The following FLT1 variants were observed in gnomAD, a reference collection of about 807,000 sequenced individuals.
FLT1 encodes the protein vascular endothelial growth factor receptor 1.
A neutral mutation model predicts 156.3 loss-of-function variants in FLT1; 49 were observed. That is an observed-to-expected ratio of 0.31 (90% CI 0.25 to 0.40). FLT1 has a LOEUF of 0.40. FLT1 is among the 10% of genes least tolerant of loss of function. The pLI, the probability that FLT1 is intolerant of heterozygous loss-of-function variation, is 1.00. For missense variants in FLT1, 1,322 were observed against 1,637.2 expected (o/e 0.81, Z 3.32); for synonymous variants, 594 against 583.8 (o/e 1.02, Z -0.25).
At chr13:28,459,835 C>T (rs1879465214) in intron 3 of FLT1, among the ~76,000 whole-genome samples, 1 of 152,208 alleles carries the variant, frequency 6.6e-6, no homozygotes, top group South Asian at 2.1e-4. Flanking sequence ...TCTGTTCAGC[C>T]ATGTGCTGCT....
chr13:28,349,453 CACACACAT>C (rs746423133), intron 15 of FLT1, among the ~76,000 whole-genome samples: 424 of 150,048 alleles, frequency 2.8e-3, no homozygotes, highest in Non-Finnish European at 3.9e-3. Flanking sequence ...CACACACACA[CACACACAT>C]GCGCACACGC....
At chr13:28,470,404 G>A (rs780290650) in intron 1 of FLT1, among the ~76,000 whole-genome samples, 1 of 152,078 alleles carries the variant, frequency 6.6e-6, no homozygotes, top group Non-Finnish European at 1.5e-5. Context: ...ATTTAATTGA[G>A]CAATTGTTCA....
At chr13:28,387,807 T>TAAA in intron 13 of FLT1, 1 of 696,596 alleles carries the variant, frequency 1.4e-6, no homozygotes, top group Non-Finnish European at 1.6e-6. Flanking sequence ...AAAAGTTTCT[T>TAAA]TAAAAAAAAA....
At chr13:28,444,119 A>T (rs1878478414) in intron 3 of FLT1, among the ~76,000 whole-genome samples, 1 of 152,232 alleles carries the variant, frequency 6.6e-6, no homozygotes, top group Admixed American at 6.5e-5. Flanking sequence ...CAACAATAAC[A>T]GGTGAAGATT....
intron 29 of FLT1, 99 bp downstream of exon 29, chr13:28,306,579 C>A: frequency 3.5e-6 from 3 of 865,242 alleles, no homozygotes; most frequent in Admixed American, 1.9e-5. Context: ...TTCAGGAGGG[C>A]AAGTAGTCCT....
intron 1 of FLT1, among the ~76,000 whole-genome samples, chr13:28,472,829 T>C (rs1185150193): frequency 6.6e-6 from 1 of 152,188 alleles, no homozygotes; most frequent in Non-Finnish European, 1.5e-5. Context: ...CAGCTAAAAA[T>C]TCTGATCCTG....
chr13:28,365,531 T>C (rs540830254), intron 14 of FLT1, among the ~76,000 whole-genome samples: 47 of 152,228 alleles, frequency 3.1e-4, no homozygotes, highest in Middle Eastern at 6.8e-3. Flanking sequence ...TTTGTATTTT[T>C]AGTAGAGATG....
rs892143941 is a variant in FLT1 at position 28,429,086 on chromosome 13, T to C, written c.1106+964A>G. 2.0e-5 allele frequency among the ~76,000 whole-genome samples: 3 copies of C among 152,304 alleles called. No individual in the cohort carries two copies. The East Asian group carries it at 5.8e-4, about 29-fold the overall frequency. On this transcript the variant is annotated intron_variant, in intron 8 of 29. Transcript: ENST00000282397. ...GTACCTCCTGGAGTCATCAGATTAC[T>C]ATTCAATTTACTATTAAACCTAAAA...
At chr13:28,329,515 C>T (rs1336991956) in intron 19 of FLT1, 100 bp downstream of exon 19, 3 of 850,058 alleles carry the variant, frequency 3.5e-6, no homozygotes, top group African/African-American at 1.6e-5. Flanking sequence ...TTCCTGGAGG[C>T]GAGGAAGCAC....
Position 28,465,716 on chromosome 13 carries a change from G to A in FLT1, c.388+1187C>T, listed in dbSNP as rs559010455. On this transcript the variant is annotated intron_variant, in intron 3 of 29. Transcript: ENST00000282397. ...AAATTAGCCAGGAGTGGTGGCAGAC[G>A]CCTGTAATCCTAGCTACGCAGGAGG... 2.0e-5 allele frequency among the ~76,000 whole-genome samples: 3 copies of A among 152,198 alleles called. No individual in the cohort carries two copies. The East Asian group carries it at 5.8e-4, about 29-fold the overall frequency.
intron 16 of FLT1, among the ~76,000 whole-genome samples, chr13:28,340,234 T>C (rs936628388): frequency 1.3e-5 from 2 of 151,266 alleles, no homozygotes; most frequent in Non-Finnish European, 2.9e-5. Context: ...AAAAAAAGAT[T>C]ATTTCAAAGG....
chr13:28,473,927 T>C (rs991675812), intron 1 of FLT1, among the ~76,000 whole-genome samples: 4 of 152,160 alleles, frequency 2.6e-5, no homozygotes, highest in Non-Finnish European at 5.9e-5. Flanking sequence ...AATGTGGTAT[T>C]ATTTGGCAAT....
In FLT1 at chr13:28,303,040, C is replaced by A; in HGVS notation, c.*127G>T. On this transcript the variant is annotated 3_prime_UTR_variant, in exon 30 of 30. Transcript: ENST00000282397. The stretch of plus-strand genomic sequence containing the variant: ...AAAAAAAGCACTATTAAAAAAATCA[C>A]AAAAAGCAGCTGGCTCCCATGGAAA... 4 of 789,100 alleles carry A rather than the reference C, an allele frequency of 5.1e-6. No individual in the cohort carries two copies. The highest frequency in any genetic ancestry group is 3.6e-5 in the South Asian group (2 of 55,460). 48.9% of individuals were successfully genotyped at this position (789,100 alleles called of 1,614,324 possible). A position where few individuals can be genotyped will look rare whatever the true frequency, so the allele number is the denominator to read the frequency against.
chr13:28,412,350 C>CTTTCTTTCTTTCTTTT (rs71086853), intron 10 of FLT1, among the ~76,000 whole-genome samples: 2 of 93,706 alleles, frequency 2.1e-5, no homozygotes, highest in South Asian at 4.2e-4. Flanking sequence ...TTCTTTCTTT[C>CTTTCTTTCTTTCTTTT]TCTTTCTTTC....
intron 23 of FLT1, among the ~76,000 whole-genome samples, chr13:28,320,946 A>G (rs1203425835): frequency 6.6e-6 from 1 of 152,098 alleles, no homozygotes; most frequent in Non-Finnish European, 1.5e-5. Flanking sequence ...ACAAGCAGGG[A>G]AGAGAAGCCA....
chr13:28,392,467 A>C (rs1445261327), intron 12 of FLT1, among the ~76,000 whole-genome samples: 1 of 152,208 alleles, frequency 6.6e-6, no homozygotes, highest in Admixed American at 6.5e-5. Flanking sequence ...ACTGGTTGCA[A>C]TCAACTCTTA....
intron 15 of FLT1, among the ~76,000 whole-genome samples, chr13:28,350,795 A>G (rs1370572172): frequency 6.6e-6 from 1 of 152,144 alleles, no homozygotes; most frequent in African/African-American, 2.4e-5. Flanking sequence ...CAAAGTGGAG[A>G]TAACAGCCCC....
At chr13:28,433,321 A>G (rs1877812103) in intron 6 of FLT1, among the ~76,000 whole-genome samples, 1 of 152,200 alleles carries the variant, frequency 6.6e-6, no homozygotes, top group African/African-American at 2.4e-5. Context: ...TGCTCCCCTG[A>G]CACTTAACAA....
At chr13:28,321,099 G>A (rs1448550817) in intron 23 of FLT1, among the ~76,000 whole-genome samples, 1 of 152,132 alleles carries the variant, frequency 6.6e-6, no homozygotes, top group Non-Finnish European at 1.5e-5. Flanking sequence ...GTTTATTTGA[G>A]GGAAAGAGTC....
Sources: gnomAD v4.1 joint callset for allele counts (sites outside exome capture counted in the v4.1 genomes callset) on GRCh38, gnomAD v4.1.1 for gene constraint, MANE v1.5 for transcripts, NCBI Gene and HGNC (gene_info 2026-07-23, HGNC 2026-07-21) for gene names.